CTIF: variants seen among roughly 807,000 people sequenced by gnomAD.
CTIF encodes the protein CBP80/20-dependent translation initiation factor.
Under a neutral mutation model 66.0 loss-of-function variants are expected in CTIF, and 21 were observed. That is an observed-to-expected ratio of 0.32 (90% CI 0.23 to 0.46). CTIF has a LOEUF of 0.46. Ranked by LOEUF, CTIF falls within the 20% of genes least tolerant of loss-of-function variation. The pLI, the probability that CTIF is intolerant of heterozygous loss-of-function variation, is 1.00. For missense variants in CTIF, 739 were observed against 812.7 expected (o/e 0.91, Z 1.10); for synonymous variants, 345 against 326.4 (o/e 1.06, Z -0.62).
At chr18:48,628,028 G>A (rs2144532422) in intron 2 of CTIF, among the ~76,000 whole-genome samples, 1 of 152,328 alleles carries the variant, frequency 6.6e-6, no homozygotes, top group African/African-American at 2.4e-5. Context: ...AATGGAGACT[G>A]GGGCCGTGTG....
chr18:48,792,956 G>A (rs927724939), intron 9 of CTIF, among the ~76,000 whole-genome samples: 1 of 152,192 alleles, frequency 6.6e-6, no homozygotes, highest in Non-Finnish European at 1.5e-5. Flanking sequence ...TGGTATTTAG[G>A]TGGTGCTATT....
chr18:48,700,592 A>G (rs2092070992), intron 6 of CTIF, among the ~76,000 whole-genome samples: 2 of 152,182 alleles, frequency 1.3e-5, no homozygotes, highest in African/African-American at 4.8e-5. Context: ...GAACGTGACT[A>G]CTGCTAGTTT....
At chr18:48,698,104 T>TAAAAAAA (rs527429582) in intron 6 of CTIF, among the ~76,000 whole-genome samples, 2 of 13,070 alleles carry the variant, frequency 1.5e-4, no homozygotes, top group Non-Finnish European at 2.0e-4. Context: ...TAGCCATCAT[T>TAAAAAAA]AAAAAAAAAA....
In CTIF at chr18:48,580,325, T is replaced by C. The variant is rs564164060; in HGVS notation, c.-28-39213T>C. ...CACATCTCCAATCAGCAAACAAGAG[T>C]TAGAGCAGAGGGATAGTGTAGCCTC... On this transcript the variant is annotated intron_variant, in intron 1 of 11. Transcript: ENST00000256413. Among the ~76,000 whole-genome samples, 92 of 152,128 alleles carry C rather than the reference T, an allele frequency of 6.0e-4. 3 individuals are homozygous for C. The South Asian group carries it at 0.019, about 31-fold the overall frequency.
rs372550315 is a variant in CTIF at position 48,722,726 on chromosome 18, G to A, written c.584+11031G>A. Among the ~76,000 whole-genome samples the A allele has an allele frequency of 1.3e-4, 19 of 151,082 alleles. 1 individual carries two copies. The highest frequency in any genetic ancestry group is 4.2e-4 in the South Asian group (2 of 4,734). On this transcript the variant is annotated intron_variant, in intron 7 of 11. Transcript: ENST00000256413. ...TCAGCGCTCACAGGTGTAAGCACCC[G>A]GCCGTACCCATCAGCGCTCACAGGT... is the stretch of plus-strand genomic sequence containing the variant.
chr18:48,593,926 C>G (rs759162312), intron 1 of CTIF, among the ~76,000 whole-genome samples: 10 of 152,092 alleles, frequency 6.6e-5, no homozygotes, highest in Non-Finnish European at 1.2e-4. Context: ...GAATATCTGG[C>G]ATTTAGTTAT....
intron 3 of CTIF, among the ~76,000 whole-genome samples, chr18:48,660,921 A>T (rs1004406606): frequency 6.6e-6 from 1 of 152,092 alleles, no homozygotes; most frequent in Non-Finnish European, 1.5e-5. Flanking sequence ...CTCTCCATCC[A>T]TGTTTCTTAC....
intron 10 of CTIF, among the ~76,000 whole-genome samples, chr18:48,838,896 C>T (rs1378194881): frequency 6.6e-6 from 1 of 152,120 alleles, no homozygotes; most frequent in Non-Finnish European, 1.5e-5. Context: ...ATCTCCCTGA[C>T]ACCTCCCCGG....
chr18:48,797,922 CGGT>C (rs2067963856), intron 9 of CTIF, among the ~76,000 whole-genome samples: 1 of 152,172 alleles, frequency 6.6e-6, no homozygotes, highest in Non-Finnish European at 1.5e-5. Flanking sequence ...GCAGAGCCCT[CGGT>C]GGTGGGCAAA....
chr18:48,581,355 C>T (rs981314384), intron 1 of CTIF, among the ~76,000 whole-genome samples: 2 of 152,140 alleles, frequency 1.3e-5, no homozygotes, highest in Non-Finnish European at 2.9e-5. Flanking sequence ...TCTTGACACC[C>T]TCTTAGGTTT....
chr18:48,632,783 C>T (rs918374462), intron 2 of CTIF, among the ~76,000 whole-genome samples: 3 of 152,144 alleles, frequency 2.0e-5, no homozygotes, highest in Non-Finnish European at 2.9e-5. Flanking sequence ...TCATCTCAGC[C>T]GTGCCGTCCC....
chr18:48,748,042 A>C (rs1008575037), intron 7 of CTIF, among the ~76,000 whole-genome samples: 6 of 152,154 alleles, frequency 3.9e-5, no homozygotes, highest in Non-Finnish European at 1.5e-5. Context: ...CCTTTCCACC[A>C]GTCCCAAGAT....
At chr18:48,557,136 G>A (rs2089040488) in intron 1 of CTIF, among the ~76,000 whole-genome samples, 1 of 152,158 alleles carries the variant, frequency 6.6e-6, no homozygotes, top group South Asian at 2.1e-4. Flanking sequence ...TTGCAGAGGA[G>A]GGGAGATTGT....
At chr18:48,856,913 G>C (rs1027698062) in intron 10 of CTIF, among the ~76,000 whole-genome samples, 3 of 152,228 alleles carry the variant, frequency 2.0e-5, no homozygotes, top group African/African-American at 7.2e-5. Flanking sequence ...TATGTGAATG[G>C]TATCTCAATT....
In CTIF at chr18:48,691,115, C is replaced by T. The variant is rs1487746701; in HGVS notation, c.507+20371C>T. ...AAGGAAATGTCTTGGAATAGACAAT[C>T]TTCCTAAACTCCCCCAAAATAACTT... On this transcript the variant is annotated intron_variant, in intron 6 of 11. Transcript: ENST00000256413. Among the ~76,000 whole-genome samples the T allele has an allele frequency of 2.0e-5, 3 of 152,190 alleles. No individual in the cohort carries two copies. In the East Asian group the frequency reaches 5.8e-4, roughly 29 times the overall value.
intron 9 of CTIF, among the ~76,000 whole-genome samples, chr18:48,800,904 G>A (rs1043335491): frequency 5.3e-5 from 8 of 152,194 alleles, no homozygotes; most frequent in African/African-American, 1.7e-4. Flanking sequence ...AATCTCAGGC[G>A]TGTCCTCAAC....
chr18:48,705,123 G>T (rs1053825409), intron 6 of CTIF, among the ~76,000 whole-genome samples: 4 of 152,204 alleles, frequency 2.6e-5, no homozygotes, highest in African/African-American at 9.7e-5. Flanking sequence ...TTCAGGGAGG[G>T]TGGGGTAATG....
intron 7 of CTIF, among the ~76,000 whole-genome samples, chr18:48,750,365 G>C (rs1305762265): frequency 6.6e-6 from 1 of 152,242 alleles, no homozygotes; most frequent in African/African-American, 2.4e-5. Flanking sequence ...GTCCGCAGTT[G>C]AGTGAAGCTC....
intron 3 of CTIF, among the ~76,000 whole-genome samples, chr18:48,655,753 C>G (rs530297512): frequency 6.6e-6 from 1 of 152,276 alleles, no homozygotes; most frequent in South Asian, 2.1e-4. Context: ...GAAATCCACA[C>G]CAGCCTGCCC....
Sources: allele counts gnomAD v4.1 joint callset (sites outside exome capture counted in the v4.1 genomes callset), GRCh38; gene constraint gnomAD v4.1.1; transcripts MANE v1.5; gene names NCBI Gene and HGNC (gene_info 2026-07-23, HGNC 2026-07-21).